Variants in RANBP17 observed in about 807,000 individuals in gnomAD.
RANBP17 encodes the protein RAN binding protein 17.
Under a neutral mutation model 141.2 loss-of-function variants are expected in RANBP17, and 158 were observed. That is an observed-to-expected ratio of 1.12 (90% CI 0.98 to 1.28). The LOEUF is 1.28. Among genes scored for constraint, RANBP17 ranks in the 50% most tolerant of loss-of-function variants. RANBP17 has a pLI of 0.00. For missense variants in RANBP17, 1,438 were observed against 1,290.7 expected, an observed-to-expected ratio of 1.11 and a Z score of -1.75; for synonymous variants, 430 against 450.0, an observed-to-expected ratio of 0.96 and a Z score of 0.56.
At chr5:171,142,641 A>G (rs957555104) in intron 14 of RANBP17, among the ~76,000 whole-genome samples, 3 of 152,162 alleles carry the variant, frequency 2.0e-5, no homozygotes, top group African/African-American at 7.2e-5. Flanking sequence ...CCAAAACATG[A>G]CTTTTTTTCC....
intron 24 of RANBP17, among the ~76,000 whole-genome samples, chr5:171,256,446 C>T (rs867864462): frequency 3.3e-4 from 50 of 152,168 alleles, no homozygotes; most frequent in African/African-American, 1.2e-3. Context: ...GCAATAAATG[C>T]TAATATCCAA....
intron 16 of RANBP17, among the ~76,000 whole-genome samples, chr5:171,180,811 G>A (rs750943751): frequency 2.6e-5 from 4 of 152,150 alleles, no homozygotes; most frequent in African/African-American, 7.2e-5. Context: ...CACAGATGCC[G>A]TTCTGCAGAA....
intron 13 of RANBP17, among the ~76,000 whole-genome samples, chr5:170,958,462 A>G (rs1775904650): frequency 6.6e-6 from 1 of 152,164 alleles, no homozygotes; most frequent in African/African-American, 2.4e-5. Flanking sequence ...GGGCCAAGCA[A>G]ATTCAAGGTG....
intron 1 of RANBP17, among the ~76,000 whole-genome samples, chr5:170,865,600 A>C (rs1334448003): frequency 1.3e-5 from 2 of 152,156 alleles, no homozygotes; most frequent in Admixed American, 1.3e-4. Context: ...CTGTCTGTGA[A>C]TATCAGGGGG....
chr5:170,901,143 T>C (rs1013571167), intron 5 of RANBP17, among the ~76,000 whole-genome samples: 1 of 152,188 alleles, frequency 6.6e-6, no homozygotes, highest in Non-Finnish European at 1.5e-5. Context: ...TGTGGGAGTC[T>C]AAGTCTCTTT....
chr5:171,033,905 A>G (rs557714786), intron 14 of RANBP17, among the ~76,000 whole-genome samples: 24 of 152,222 alleles, frequency 1.6e-4, no homozygotes, highest in East Asian at 3.9e-4. Flanking sequence ...ATATCAAACA[A>G]TGACCCATCT....
At chr5:171,284,348 A>G (rs1482443334) in intron 25 of RANBP17, among the ~76,000 whole-genome samples, 1 of 152,022 alleles carries the variant, frequency 6.6e-6, no homozygotes, top group East Asian at 1.9e-4. Flanking sequence ...TTTTGGAGAC[A>G]GAGTTTCACT....
chr5:171,125,988 AT>A (rs1483770138), intron 14 of RANBP17, among the ~76,000 whole-genome samples: 1 of 151,978 alleles, frequency 6.6e-6, no homozygotes, highest in Non-Finnish European at 1.5e-5. Flanking sequence ...GAGTTTCACC[AT>A]GTTGGCCAGG....
intron 14 of RANBP17, among the ~76,000 whole-genome samples, chr5:171,033,158 G>A (rs951271495): frequency 3.4e-5 from 5 of 149,086 alleles, no homozygotes; most frequent in Admixed American, 1.4e-4. Flanking sequence ...GAGATGAGAC[G>A]TTTTACTGCT....
intron 22 of RANBP17, among the ~76,000 whole-genome samples, chr5:171,227,582 T>G (rs1763954500): frequency 6.6e-6 from 1 of 152,222 alleles, no homozygotes; most frequent in African/African-American, 2.4e-5. Flanking sequence ...ATCATGAAGA[T>G]CTAGCTAAGA....
At chr5:171,151,019 G>T (rs2127832232) in intron 14 of RANBP17, among the ~76,000 whole-genome samples, 1 of 152,290 alleles carries the variant, frequency 6.6e-6, no homozygotes, top group South Asian at 2.1e-4. Flanking sequence ...TTCCAGCAGA[G>T]AATTTGCTTT....
chr5:171,009,770 T>C (rs1343343354), intron 14 of RANBP17, among the ~76,000 whole-genome samples: 1 of 152,156 alleles, frequency 6.6e-6, no homozygotes, highest in African/African-American at 2.4e-5. Flanking sequence ...TTGTATCAAG[T>C]AACCATCTTG....
At chr5:171,188,375 C>T (rs1174290764) in intron 18 of RANBP17, among the ~76,000 whole-genome samples, 2 of 152,190 alleles carry the variant, frequency 1.3e-5, no homozygotes, top group East Asian at 3.8e-4. Context: ...GGCGCAGCCC[C>T]AGACTGTGTC....
intron 13 of RANBP17, among the ~76,000 whole-genome samples, chr5:170,959,625 C>G (rs1420867852): frequency 1.3e-5 from 2 of 152,204 alleles, no homozygotes; most frequent in African/African-American, 4.8e-5. Context: ...CCAAATTTAA[C>G]TACTAATAGC....
At chr5:170,909,998 G>A (rs1164976901) in intron 6 of RANBP17, 1 of 314,688 alleles carries the variant, frequency 3.2e-6, no homozygotes, top group Non-Finnish European at 5.7e-6. Context: ...TTATCTTCAG[G>A]TAGTAGTTTC....
In RANBP17 at chr5:171,057,885, G is replaced by A. The variant is rs562872812; in HGVS notation, c.1710+89508G>A. ...CCCCATGATCCAATTACCTACACCTGGTCTCGGCCTTGACACATGGAGATT... is the reference window on the plus strand; with the variant it reads ...CCCCATGATCCAATTACCTACACCTAGTCTCGGCCTTGACACATGGAGATT... On this transcript the variant is annotated intron_variant, in intron 14 of 27. Coordinates refer to ENST00000523189, the MANE Select transcript of RANBP17 (RefSeq NM_022897.5). Among the ~76,000 whole-genome samples the A allele has an allele frequency of 3.9e-5, 6 of 152,162 alleles. No homozygotes were observed. The East Asian group carries it at 1.2e-3, about 29-fold the overall frequency.
chr5:171,046,176 T>C (rs1369016063), intron 14 of RANBP17, among the ~76,000 whole-genome samples: 1 of 152,040 alleles, frequency 6.6e-6, no homozygotes, highest in Non-Finnish European at 1.5e-5. Flanking sequence ...GAACTTGATT[T>C]TTTACCCTAT....
At chr5:170,991,296 T>C (rs1778490873) in intron 14 of RANBP17, among the ~76,000 whole-genome samples, 2 of 151,992 alleles carry the variant, frequency 1.3e-5, no homozygotes, top group African/African-American at 4.8e-5. Flanking sequence ...CTCATTTAAG[T>C]TTATCAGTTA....
rs752415783 is a variant in RANBP17 at position 170,914,185 on chromosome 5, C to A, written c.779C>A (p.Thr260Lys). ...TWRTIFLEPE[T>K]LDLFFNLYHS... ...TTCCCAGTTTTCCTGGAACCAGAAACATTGGATCTTTTCTTCAATTTGTAT... is the reference window on the plus strand; with the variant it reads ...TTCCCAGTTTTCCTGGAACCAGAAAAATTGGATCTTTTCTTCAATTTGTAT... Residue 260 changes from threonine to lysine, a missense_variant, in exon 8 of 28, where the codon ACA becomes AAA. Thr to Lys is a moderately conservative substitution (Grantham distance 78). Transcript: ENST00000523189. 6.2e-7 allele frequency: 1 copy of A among 1,608,278 alleles called. No individual in the cohort carries two copies. The highest frequency in any genetic ancestry group is 8.5e-7 in the Non-Finnish European group (1 of 1,175,368).
Sources: allele counts gnomAD v4.1 joint callset (sites outside exome capture counted in the v4.1 genomes callset), GRCh38; gene constraint gnomAD v4.1.1; transcripts MANE v1.5; gene names NCBI Gene and HGNC (gene_info 2026-07-23, HGNC 2026-07-21).